Variants in ACYP2 observed in about 807,000 individuals in gnomAD.
The protein encoded by ACYP2 is acylphosphatase 2, also known as acylphosphatase-2.
In ACYP2, 12 loss-of-function variants were observed where a neutral mutation model predicts 11.2. The observed-to-expected ratio is 1.08, with a 90% CI of 0.69 to 1.74. ACYP2 has a LOEUF of 1.74. Ranked by LOEUF, ACYP2 falls within the 40% of genes most tolerant of loss-of-function variation. The pLI, the probability that ACYP2 is intolerant of heterozygous loss-of-function variation, is 0.00. For missense variants in ACYP2, 134 were observed against 101.9 expected, an observed-to-expected ratio of 1.31 and a Z score of -1.35; for synonymous variants, 43 against 32.2, an observed-to-expected ratio of 1.33 and a Z score of -1.13.
At chr2:54,158,301 C>T (rs1682532166) in intron 6 of ACYP2, among the ~76,000 whole-genome samples, 1 of 151,768 alleles carries the variant, frequency 6.6e-6, no homozygotes, top group South Asian at 2.1e-4. Flanking sequence ...CTCAGCCTTC[C>T]AAAGTGCTGG....
At chr2:54,110,642 G>T (rs1249866339) in intron 4 of ACYP2, among the ~76,000 whole-genome samples, 1 of 152,118 alleles carries the variant, frequency 6.6e-6, no homozygotes, top group African/African-American at 2.4e-5. Context: ...TTTTAAAAGA[G>T]TTTTAAGATT....
At position 54,255,579 on chromosome 2, in the gene ACYP2, G is replaced by A. The variant is rs79371652; in HGVS notation, c.405-49109G>A. On this transcript the variant is annotated intron_variant, in intron 6 of 6. Coordinates refer to ENST00000607452, the MANE Select transcript of ACYP2 (RefSeq NM_001320586.2). ...GACCCACGTTCAGGGGCCCGGGCCC[G>A]GGCCCAGGCCCTGCCTCCCTGTTTA... The A allele has an allele frequency of 2.3e-5, 35 of 1,497,994 alleles. No individual in the cohort carries two copies. The Middle Eastern group carries it at 5.1e-4, about 22-fold the overall frequency. 92.8% of individuals were successfully genotyped at this position (1,497,994 alleles called of 1,614,324 possible).
intron 2 of ACYP2, among the ~76,000 whole-genome samples, chr2:53,995,855 G>T (rs531893929): frequency 6.6e-6 from 1 of 152,152 alleles, no homozygotes; most frequent in Non-Finnish European, 1.5e-5. Flanking sequence ...ACAATGGGCT[G>T]GGCACGGTCG....
intron 6 of ACYP2, chr2:54,254,667 G>C (rs1263706434): frequency 2.1e-6 from 1 of 484,790 alleles, no homozygotes; most frequent in African/African-American, 1.9e-5. Flanking sequence ...CATTCGCTTC[G>C]CTTAGAAGGA....
chr2:54,297,942 G>A (rs887644704), intron 6 of ACYP2, among the ~76,000 whole-genome samples: 3 of 152,156 alleles, frequency 2.0e-5, no homozygotes, highest in Non-Finnish European at 4.4e-5. Flanking sequence ...GATGTGAAAG[G>A]ACTGGATGAA....
At chr2:54,033,253 A>G (rs1674688107) in intron 2 of ACYP2, among the ~76,000 whole-genome samples, 1 of 150,776 alleles carries the variant, frequency 6.6e-6, no homozygotes, top group South Asian at 2.1e-4. Context: ...GCTGGAGCAC[A>G]GTGGTCTAAC....
chr2:54,028,234 T>C (rs1414667503), intron 2 of ACYP2, among the ~76,000 whole-genome samples: 1 of 152,180 alleles, frequency 6.6e-6, no homozygotes, highest in Non-Finnish European at 1.5e-5. Context: ...TGAAGACTAC[T>C]CATCAGATAT....
intron 6 of ACYP2, among the ~76,000 whole-genome samples, chr2:54,221,339 T>C (rs1418613391): frequency 2.0e-5 from 3 of 152,166 alleles, no homozygotes; most frequent in Non-Finnish European, 4.4e-5. Context: ...GATATGACCA[T>C]TACTATTTCA....
intron 2 of ACYP2, chr2:54,030,802 T>C (rs989529994): frequency 6.6e-6 from 1 of 152,272 alleles, no homozygotes; most frequent in African/African-American, 2.4e-5. Context: ...AAATAATAAC[T>C]GACCTTTAGT....
At chr2:54,092,810 A>T (rs891425189) in intron 4 of ACYP2, among the ~76,000 whole-genome samples, 1 of 152,166 alleles carries the variant, frequency 6.6e-6, no homozygotes, top group African/African-American at 2.4e-5. Flanking sequence ...CTCTGCTCAG[A>T]TCCCCACTTT....
intron 4 of ACYP2, among the ~76,000 whole-genome samples, chr2:54,072,276 T>C (rs764226982): frequency 4.6e-5 from 7 of 152,214 alleles, no homozygotes; most frequent in Admixed American, 2.0e-4. Context: ...TCAATGCTAT[T>C]CCAATCAAAA....
intron 4 of ACYP2, among the ~76,000 whole-genome samples, chr2:54,105,694 A>G (rs951818880): frequency 6.6e-5 from 10 of 151,838 alleles, no homozygotes; most frequent in Non-Finnish European, 1.5e-4. Context: ...GGGTTTTGCC[A>G]TGTTGCCCGG....
chr2:54,043,383 T>C (rs1013553691), intron 2 of ACYP2, among the ~76,000 whole-genome samples: 1 of 152,178 alleles, frequency 6.6e-6, no homozygotes, highest in African/African-American at 2.4e-5. Flanking sequence ...ATCACAGTGA[T>C]TGAAGGCATG....
intron 4 of ACYP2, among the ~76,000 whole-genome samples, chr2:54,061,955 C>A (rs1303122055): frequency 6.6e-6 from 1 of 152,166 alleles, no homozygotes; most frequent in South Asian, 2.1e-4. Flanking sequence ...ATGTGAACAA[C>A]TGTGCCAGGC....
At position 54,212,922 on chromosome 2, in the gene ACYP2, T is replaced by TA. The variant is rs57001982; in HGVS notation, c.404+74177dup. On this transcript the variant is annotated intron_variant, in intron 6 of 6. Transcript: ENST00000607452. Reference sequence around the variant, plus strand: ...TGCCACTTTACTTTTTTTTTTTTTTTAAATGTCATGGCTGTTTTTTCTCCA... The same window carrying TA: ...TGCCACTTTACTTTTTTTTTTTTTTTAAAATGTCATGGCTGTTTTTTCTCCA... Among the ~76,000 whole-genome samples the TA allele has an allele frequency of 7.5e-3, 1,134 of 151,942 alleles. 17 individuals carry two copies. The highest frequency in any genetic ancestry group is 0.025 in the African/African-American group (1,020 of 41,404).
At chr2:53,976,324 T>C (rs1671486234) in intron 2 of ACYP2, among the ~76,000 whole-genome samples, 1 of 152,150 alleles carries the variant, frequency 6.6e-6, no homozygotes. Context: ...TCTCCCACTT[T>C]GGCCTCCCAA....
At chr2:53,980,870 A>C (rs182413853) in intron 2 of ACYP2, among the ~76,000 whole-genome samples, 3 of 151,972 alleles carry the variant, frequency 2.0e-5, no homozygotes, top group African/African-American at 7.2e-5. Flanking sequence ...CTCCCACCTC[A>C]GCCTCCCGAG....
intron 2 of ACYP2, among the ~76,000 whole-genome samples, chr2:54,032,377 T>G (rs1674628905): frequency 6.6e-6 from 1 of 152,206 alleles, no homozygotes; most frequent in African/African-American, 2.4e-5. Context: ...ATTTGTTAAA[T>G]AGGGAATCCT....
At chr2:54,205,209 A>G (rs1685021627) in intron 6 of ACYP2, among the ~76,000 whole-genome samples, 1 of 152,184 alleles carries the variant, frequency 6.6e-6, no homozygotes, top group Non-Finnish European at 1.5e-5. Context: ...CATGGTGGGT[A>G]AAGTCTGTGA....
Sources: allele counts gnomAD v4.1 joint callset (sites outside exome capture counted in the v4.1 genomes callset), GRCh38; gene constraint gnomAD v4.1.1; transcripts MANE v1.5; gene names NCBI Gene and HGNC (gene_info 2026-07-23, HGNC 2026-07-21).